MOCOS: variants seen among roughly 807,000 people sequenced by gnomAD.
MOCOS encodes human molybdenum cofactor sulfurase.
MOCOS carries 86 observed loss-of-function variants against 83.6 expected under a neutral mutation model. That is an observed-to-expected ratio of 1.03 (90% CI 0.86 to 1.23). The LOEUF (loss-of-function observed/expected upper bound fraction) is 1.23. Among genes scored for constraint, MOCOS ranks in the 50% most tolerant of loss-of-function variants. The probability of loss-of-function intolerance (pLI) is 0.00; values close to 1 mark genes in which losing one functional copy is unlikely to be tolerated. For synonymous variants in MOCOS, 445 were observed against 434.7 expected, an observed-to-expected ratio of 1.02 and a Z score of -0.29; for missense variants, 1,120 against 1,126.9, an observed-to-expected ratio of 0.99 and a Z score of 0.09.
intron 6 of MOCOS, among the ~76,000 whole-genome samples, chr18:36,209,304 G>A (rs547275311): frequency 3.3e-5 from 5 of 151,812 alleles, no homozygotes; most frequent in Admixed American, 2.0e-4. Context: ...TCAGCTTCCC[G>A]AGTAGCTGGG....
chr18:36,206,244 CTTTTT>C (rs71166102), intron 6 of MOCOS, among the ~76,000 whole-genome samples: 1 of 103,636 alleles, frequency 9.6e-6, no homozygotes, highest in Non-Finnish European at 1.8e-5. Context: ...TTTCTTCCAA[CTTTTT>C]TTTTTTTTTT....
intron 9 of MOCOS, among the ~76,000 whole-genome samples, chr18:36,233,122 C>A (rs117116235): frequency 0.011 from 1,625 of 152,192 alleles, 15 homozygotes; most frequent in Non-Finnish European, 0.017. Flanking sequence ...GTGTACTCAT[C>A]ACCCGAGCAG....
At chr18:36,250,142 C>A (rs1277926144) in intron 10 of MOCOS, among the ~76,000 whole-genome samples, 1 of 152,074 alleles carries the variant, frequency 6.6e-6, no homozygotes, top group East Asian at 1.9e-4. Context: ...TCCCCTTTCA[C>A]CCCCGCCCAT....
intron 9 of MOCOS, among the ~76,000 whole-genome samples, chr18:36,246,585 C>G (rs1331184343): frequency 6.6e-6 from 1 of 152,144 alleles, no homozygotes; most frequent in Non-Finnish European, 1.5e-5. Context: ...TTTTAGTGTG[C>G]TGGTTTTAGT....
At position 36,195,949 on chromosome 18, in the gene MOCOS, GTGGATGC is replaced by G. The variant is rs756101026; in HGVS notation, c.232+608_232+614del. ...TAGGGAAAGCTTCCTTTGGAGTGGA[GTGGATGC>G]TGGAGGATGAGCCAGAATTCACTCA... On this transcript the variant is annotated intron_variant, in intron 2 of 14. Coordinates refer to ENST00000261326, the MANE Select transcript of MOCOS (RefSeq NM_017947.4). 5.1e-4 allele frequency among the ~76,000 whole-genome samples: 78 copies of G among 152,322 alleles called. No homozygotes were observed. The Middle Eastern group carries it at 0.017, about 33-fold the overall frequency.
chr18:36,254,767 C>T (rs1482902353), intron 11 of MOCOS, among the ~76,000 whole-genome samples: 3 of 152,024 alleles, frequency 2.0e-5, no homozygotes, highest in Non-Finnish European at 4.4e-5. Context: ...GACTACTACC[C>T]TATCATACTT....
At chr18:36,229,412 C>G (rs947878478) in intron 9 of MOCOS, among the ~76,000 whole-genome samples, 4 of 152,084 alleles carry the variant, frequency 2.6e-5, no homozygotes, top group African/African-American at 9.7e-5. Context: ...TATGACAAGT[C>G]AGTTTTCCCT....
chr18:36,261,505 T>A lies in MOCOS; in HGVS notation c.2409+1330T>A, dbSNP rs1245009318. ...GCTACCTTGTATTCAGGCTCTGCAC[T>A]CAGAAGGAACACCACTCTAACATCT... On this transcript the variant is annotated intron_variant, in intron 13 of 14. Transcript: ENST00000261326. 2.0e-5 allele frequency among the ~76,000 whole-genome samples: 3 copies of A among 152,328 alleles called. No homozygotes were observed. The East Asian group carries it at 5.8e-4, about 29-fold the overall frequency.
chr18:36,262,032 C>T (rs375545352), intron 13 of MOCOS, among the ~76,000 whole-genome samples: 40 of 152,208 alleles, frequency 2.6e-4, no homozygotes, highest in African/African-American at 7.9e-4. Flanking sequence ...AAGGAAGACT[C>T]TTTAAGGAAC....
Position 36,199,756 on chromosome 18 carries a change from A to C in MOCOS, c.373A>C (p.Lys125Gln). 1 of 1,614,146 alleles carries C rather than the reference A, an allele frequency of 6.2e-7. No homozygotes were observed. Among genetic ancestry groups the C allele is most frequent in the Non-Finnish European group, 8.5e-7 (1 of 1,180,038 alleles). ...CACTGCCGGGAGCACGGCTGCTCTCAAACTGGTGGCAGAGGCCTTTCCATG... is the reference window on the plus strand; with the variant it reads ...CACTGCCGGGAGCACGGCTGCTCTCCAACTGGTGGCAGAGGCCTTTCCATG... Reference protein sequence around the residue: ...IFTAGSTAALKLVAEAFPWVS... With the variant: ...IFTAGSTAALQLVAEAFPWVS... Residue 125 changes from lysine (K) to glutamine (Q), a missense_variant, in exon 4 of 15, where the codon AAA (lysine) becomes CAA (glutamine). Lys to Gln is a moderately conservative substitution (Grantham distance 53). Transcript: ENST00000261326.
At chr18:36,242,007 C>A (rs781381059) in intron 9 of MOCOS, among the ~76,000 whole-genome samples, 1 of 152,210 alleles carries the variant, frequency 6.6e-6, no homozygotes, top group Non-Finnish European at 1.5e-5. Context: ...GCCTCCGGGC[C>A]GTGATGAGAA....
intron 2 of MOCOS, among the ~76,000 whole-genome samples, chr18:36,195,644 A>G (rs1179592607): frequency 6.6e-6 from 1 of 152,222 alleles, no homozygotes; most frequent in African/African-American, 2.4e-5. Context: ...GTGACCCTGT[A>G]TAGTGCAGAG....
At chr18:36,189,247 G>A (rs2091355660) in intron 1 of MOCOS, among the ~76,000 whole-genome samples, 1 of 152,258 alleles carries the variant, frequency 6.6e-6, no homozygotes, top group South Asian at 2.1e-4. Context: ...ATTGGGATGT[G>A]TCAGCCAGGC....
intron 6 of MOCOS, among the ~76,000 whole-genome samples, chr18:36,206,594 T>A (rs984337738): frequency 2.6e-5 from 4 of 152,124 alleles, no homozygotes; most frequent in African/African-American, 4.8e-5. Flanking sequence ...GCAGGCCTGT[T>A]ACATGGGTAC....
At chr18:36,256,603 C>A (rs563109687) in intron 11 of MOCOS, among the ~76,000 whole-genome samples, 1 of 151,914 alleles carries the variant, frequency 6.6e-6, no homozygotes, top group Admixed American at 6.6e-5. Context: ...GTGTGTACTA[C>A]CACACCTGGC....
chr18:36,245,583 A>G (rs963856618), intron 9 of MOCOS, among the ~76,000 whole-genome samples: 1 of 152,170 alleles, frequency 6.6e-6, no homozygotes, highest in Non-Finnish European at 1.5e-5. Flanking sequence ...GACTTTAGCT[A>G]ACCTGATGAC....
At chr18:36,260,219 A>G (rs753247963) in intron 13 of MOCOS, 44 bp downstream of exon 13, 32 of 1,613,280 alleles carry the variant, frequency 2.0e-5, no homozygotes, top group South Asian at 1.1e-4. Flanking sequence ...AGGGTTGTCA[A>G]TGAAGATTGA....
chr18:36,245,107 T>C (rs1396119223), intron 9 of MOCOS, among the ~76,000 whole-genome samples: 1 of 152,180 alleles, frequency 6.6e-6, no homozygotes, highest in Admixed American at 6.5e-5. Context: ...AAGTGGAACA[T>C]TTAGGCCATT....
chr18:36,202,387 T>C (rs1872693604), intron 4 of MOCOS, among the ~76,000 whole-genome samples: 1 of 152,184 alleles, frequency 6.6e-6, no homozygotes, highest in Non-Finnish European at 1.5e-5. Flanking sequence ...TTTGTAGAGA[T>C]GGGGTGTTGC....
Sources: gnomAD v4.1 joint callset for allele counts (sites outside exome capture counted in the v4.1 genomes callset) on GRCh38, gnomAD v4.1.1 for gene constraint, MANE v1.5 for transcripts, NCBI Gene and HGNC (gene_info 2026-07-23, HGNC 2026-07-21) for gene names.